The following HECW2 variants were observed in gnomAD, a reference collection of about 807,000 sequenced individuals.
HECW2 encodes the protein HECT, C2 and WW domain containing E3 ubiquitin protein ligase 2.
HECW2 carries 61 observed loss-of-function variants against 175.2 expected under a neutral mutation model. That is an observed-to-expected ratio of 0.35 (90% CI 0.28 to 0.43). The LOEUF (loss-of-function observed/expected upper bound fraction) is 0.43. Among genes scored for constraint, HECW2 ranks in the 20% least tolerant of loss-of-function variants. The probability of loss-of-function intolerance (pLI) is 1.00; values close to 1 mark genes in which losing one functional copy is unlikely to be tolerated. For missense variants in HECW2, 1,524 were observed against 2,000.5 expected (o/e 0.76, Z 4.54); for synonymous variants, 671 against 731.0 (o/e 0.92, Z 1.32).
intron 1 of HECW2, among the ~76,000 whole-genome samples, chr2:196,434,062 A>AT (rs140752672): frequency 0.016 from 2,501 of 152,116 alleles, 64 homozygotes; most frequent in African/African-American, 0.057. Flanking sequence ...CTCTATAGCA[A>AT]TTTTTGTGAT....
chr2:196,294,081 T>C (rs961917763), intron 13 of HECW2, among the ~76,000 whole-genome samples: 2 of 152,172 alleles, frequency 1.3e-5, no homozygotes, highest in Non-Finnish European at 2.9e-5. Flanking sequence ...ATGAATGAAA[T>C]GCAAGTTTAA....
intron 1 of HECW2, among the ~76,000 whole-genome samples, chr2:196,449,074 T>C (rs1696271247): frequency 6.6e-6 from 1 of 152,190 alleles, no homozygotes; most frequent in Non-Finnish European, 1.5e-5. Flanking sequence ...GGCACCTGGT[T>C]ATGTGTTAAA....
chr2:196,211,408 C>T (rs1488105239), intron 28 of HECW2, among the ~76,000 whole-genome samples: 1 of 152,160 alleles, frequency 6.6e-6, no homozygotes, highest in East Asian at 1.9e-4. Flanking sequence ...TAACCACCGA[C>T]CGCGAAGCAG....
At chr2:196,375,063 G>A (rs900083478) in intron 2 of HECW2, among the ~76,000 whole-genome samples, 1 of 151,702 alleles carries the variant, frequency 6.6e-6, no homozygotes, top group Non-Finnish European at 1.5e-5. Context: ...TCGGGAGGCT[G>A]AGGCAGAATT....
chr2:196,557,700 A>G (rs1052062995), intron 1 of HECW2, among the ~76,000 whole-genome samples: 1 of 152,238 alleles, frequency 6.6e-6, no homozygotes, highest in Non-Finnish European at 1.5e-5. Flanking sequence ...ATAATATTTC[A>G]TGGGAAAATA....
At chr2:196,479,281 TTC>T (rs1686767640) in intron 1 of HECW2, among the ~76,000 whole-genome samples, 2 of 152,194 alleles carry the variant, frequency 1.3e-5, no homozygotes, top group Admixed American at 6.5e-5. Context: ...ATATTCATCA[TTC>T]TGTTATAGAC....
intron 2 of HECW2, among the ~76,000 whole-genome samples, chr2:196,360,871 T>C (rs1693563621): frequency 6.6e-6 from 1 of 152,232 alleles, no homozygotes; most frequent in Non-Finnish European, 1.5e-5. Flanking sequence ...ATCTTCAACA[T>C]ACTTTTCACT....
intron 13 of HECW2, among the ~76,000 whole-genome samples, chr2:196,305,176 G>A (rs536685649): frequency 6.6e-6 from 1 of 152,292 alleles, no homozygotes; most frequent in South Asian, 2.1e-4. Flanking sequence ...AGGGCCCACA[G>A]TTGCTGTCAT....
chr2:196,388,638 A>G (rs1258892857), intron 2 of HECW2, among the ~76,000 whole-genome samples: 1 of 152,160 alleles, frequency 6.6e-6, no homozygotes, highest in Non-Finnish European at 1.5e-5. Flanking sequence ...ATGCTACTCT[A>G]TATTTACTTG....
chr2:196,272,842 T>C (rs994171064), intron 16 of HECW2, among the ~76,000 whole-genome samples: 3 of 152,098 alleles, frequency 2.0e-5, no homozygotes, highest in Non-Finnish European at 2.9e-5. Context: ...AACAATTTTA[T>C]AGTGCTTTAA....
chr2:196,253,472 A>G (rs980263099), intron 19 of HECW2, among the ~76,000 whole-genome samples: 2 of 152,188 alleles, frequency 1.3e-5, no homozygotes, highest in African/African-American at 4.8e-5. Context: ...CTATCTGCCA[A>G]TCCATTTCTG....
intron 2 of HECW2, among the ~76,000 whole-genome samples, chr2:196,376,207 A>G (rs188067474): frequency 7.8e-4 from 119 of 152,372 alleles, no homozygotes; most frequent in African/African-American, 2.7e-3. Flanking sequence ...AAATTTGTAT[A>G]TTTAAGAGCA....
rs567903057 is a variant in HECW2 at position 196,285,843 on chromosome 2, A to C, written c.3000+6722T>G. ...GTATCAGTCACAAAAAAGCTTATAG[A>C]AAAGTATTACGTTTAACTGCTATGA... is the stretch of plus-strand genomic sequence containing the variant. On this transcript the variant is annotated intron_variant, in intron 14 of 28. Transcript: ENST00000644978. 6.6e-5 allele frequency among the ~76,000 whole-genome samples: 10 copies of C among 152,326 alleles called. No homozygotes were observed. The South Asian group carries it at 2.1e-3, about 32-fold the overall frequency.
chr2:196,545,436 CCAA>C (rs772913015), intron 1 of HECW2, among the ~76,000 whole-genome samples: 6 of 152,090 alleles, frequency 3.9e-5, no homozygotes, highest in Non-Finnish European at 8.8e-5. Context: ...CAGCCACAGC[CCAA>C]CAACATCACT....
intron 28 of HECW2, among the ~76,000 whole-genome samples, chr2:196,211,831 C>T (rs1303070478): frequency 6.6e-6 from 1 of 152,052 alleles, no homozygotes; most frequent in Admixed American, 6.6e-5. Flanking sequence ...CCATGCCAGA[C>T]TTCTTAGAGG....
chr2:196,306,466 C>T, intron 13 of HECW2, 22 bp downstream of exon 13: 4 of 1,592,366 alleles, frequency 2.5e-6, no homozygotes, highest in Non-Finnish European at 3.4e-6. Context: ...TTCCTTCACA[C>T]TCTTTCAGAT....
chr2:196,557,277 C>T (rs1396219099), intron 1 of HECW2, among the ~76,000 whole-genome samples: 1 of 152,022 alleles, frequency 6.6e-6, no homozygotes, highest in Non-Finnish European at 1.5e-5. Context: ...TTCCTGTAAT[C>T]CCAGCTACTT....
chr2:196,559,993 G>C (rs79484715), intron 1 of HECW2, among the ~76,000 whole-genome samples: 1 of 152,040 alleles, frequency 6.6e-6, no homozygotes, highest in African/African-American at 2.4e-5. Context: ...AGAGAGGGAC[G>C]GTCCCATGAA....
intron 1 of HECW2, among the ~76,000 whole-genome samples, chr2:196,453,019 G>A (rs1481276232): frequency 6.6e-6 from 1 of 152,102 alleles, no homozygotes; most frequent in Non-Finnish European, 1.5e-5. Flanking sequence ...CTTATTTTCT[G>A]TAAAATTTGC....
Sources: gnomAD v4.1 joint callset for allele counts (sites outside exome capture counted in the v4.1 genomes callset) on GRCh38, gnomAD v4.1.1 for gene constraint, MANE v1.5 for transcripts, NCBI Gene and HGNC (gene_info 2026-07-23, HGNC 2026-07-21) for gene names.